Variants in C1orf159 observed in about 807,000 individuals in gnomAD.
C1orf159 encodes the protein uncharacterized protein C1orf159.
A neutral mutation model predicts 25.6 loss-of-function variants in C1orf159; 19 were observed. The observed-to-expected ratio is 0.74, with a 90% CI of 0.52 to 1.09. The LOEUF (loss-of-function observed/expected upper bound fraction) is 1.09. Ranked by LOEUF, C1orf159 falls within the 50% of genes least tolerant of loss-of-function variation. The probability of loss-of-function intolerance (pLI) is 0.00; values close to 1 mark genes in which losing one functional copy is unlikely to be tolerated. For missense variants in C1orf159, 274 were observed against 290.6 expected (o/e 0.94, Z 0.42); for synonymous variants, 139 against 124.7 (o/e 1.12, Z -0.77).
intron 4 of C1orf159, among the ~76,000 whole-genome samples, 186 bp downstream of exon 4, chr1:1,090,167 G>A (rs1645904819): frequency 1.3e-5 from 2 of 152,166 alleles, no homozygotes; most frequent in Non-Finnish European, 2.9e-5. Context: ...GCCGCTCAAG[G>A]CCGCCCGCCA....
intron 1 of C1orf159, among the ~76,000 whole-genome samples, chr1:1,104,935 C>T (rs1259852541): frequency 1.3e-5 from 2 of 152,210 alleles, no homozygotes; most frequent in African/African-American, 4.8e-5. Context: ...TGTCCAACAA[C>T]AGCAGCAATC....
intron 1 of C1orf159, among the ~76,000 whole-genome samples, chr1:1,100,653 T>C (rs1193204963): frequency 2.0e-5 from 3 of 152,218 alleles, no homozygotes; most frequent in Non-Finnish European, 4.4e-5. Context: ...GTCCCTGTGT[T>C]TTTTGTTCCT....
intron 1 of C1orf159, among the ~76,000 whole-genome samples, chr1:1,114,390 A>G (rs1249784304): frequency 6.6e-6 from 1 of 152,064 alleles, no homozygotes; most frequent in African/African-American, 2.4e-5. Context: ...TGTTGCCCAG[A>G]CTGGTCTCAA....
At chr1:1,084,321 A>T (rs755331198) in intron 9 of C1orf159, 32 bp downstream of exon 9, 43 of 1,526,162 alleles carry the variant, frequency 2.8e-5, no homozygotes, top group Non-Finnish European at 3.7e-5. Context: ...GAGATGGGAA[A>T]CCCCACAGGG....
At chr1:1,094,409 ATCT>A (rs1262779658) in intron 1 of C1orf159, among the ~76,000 whole-genome samples, 2 of 150,508 alleles carry the variant, frequency 1.3e-5, no homozygotes, top group Non-Finnish European at 3.0e-5. Flanking sequence ...TTGTCTTATC[ATCT>A]TTTTTTTTTT....
chr1:1,089,311 C>A lies in C1orf159; in HGVS notation c.148+1042G>T, dbSNP rs1645887811. On this transcript the variant is annotated intron_variant, in intron 4 of 9. Coordinates refer to ENST00000421241, the MANE Select transcript of C1orf159 (RefSeq NM_017891.5). The surrounding 1 kb of genome is among the most constrained non-coding windows in gnomAD (Gnocchi z 7.5). ...CACAGAGTGCCTGGGGTACACAATCCCTCACAGGAGACGCCACGGCCCCAG... is the reference window on the plus strand; with the variant it reads ...CACAGAGTGCCTGGGGTACACAATCACTCACAGGAGACGCCACGGCCCCAG... 6.6e-6 allele frequency among the ~76,000 whole-genome samples: 1 copy of A among 152,156 alleles called. No homozygotes were observed. Among genetic ancestry groups the A allele is most frequent in the Non-Finnish European group, 1.5e-5 (1 of 68,010 alleles).
At chr1:1,096,273 C>T (rs1055482923) in intron 1 of C1orf159, among the ~76,000 whole-genome samples, 1 of 152,096 alleles carries the variant, frequency 6.6e-6, no homozygotes, top group Non-Finnish European at 1.5e-5. Flanking sequence ...GGCTCACTGC[C>T]GCCTTGAGCT....
intron 1 of C1orf159, among the ~76,000 whole-genome samples, chr1:1,100,025 G>C (rs999338640): frequency 6.6e-6 from 1 of 152,240 alleles, no homozygotes; most frequent in Non-Finnish European, 1.5e-5. Context: ...ACTGAGGCAG[G>C]AGGATCACTT....
Position 1,087,956 on chromosome 1 carries a change from C to G in C1orf159, c.149-359G>C, listed in dbSNP as rs1010902783. Among the ~76,000 whole-genome samples the G allele has an allele frequency of 1.3e-5, 2 of 151,484 alleles. No homozygotes were observed. The highest frequency in any genetic ancestry group is 1.5e-5 in the Non-Finnish European group (1 of 67,836). ...GCACTCCACGCCGAGCACCCCGGCC[C>G]TGAGCACCCCGACCCTGAGTACTCC... On this transcript the variant is annotated intron_variant, in intron 4 of 9. Coordinates refer to ENST00000421241, the MANE Select transcript of C1orf159 (RefSeq NM_017891.5). The surrounding 1 kb of genome is among the most constrained non-coding windows in gnomAD (Gnocchi z 8.3).
chr1:1,091,082 C>G (rs899449049), intron 3 of C1orf159: 18 of 1,032,334 alleles, frequency 1.7e-5, no homozygotes, highest in Non-Finnish European at 2.6e-5. Flanking sequence ...CCCTCAAACG[C>G]CCCAGCCAGG....
intron 1 of C1orf159, among the ~76,000 whole-genome samples, chr1:1,111,807 G>A (rs1199468587): frequency 2.0e-5 from 3 of 152,136 alleles, no homozygotes; most frequent in African/African-American, 2.4e-5. Context: ...CATCCGTGTA[G>A]CTAATGCTGG....
chr1:1,082,668 G>A lies in C1orf159; in HGVS notation c.*225C>T, dbSNP rs1475444334. On this transcript the variant is annotated 3_prime_UTR_variant, in exon 10 of 10. Transcript: ENST00000421241. ...TCTGAAGCTCTGAGGTCTCATGGAT[G>A]CCTGCTCCTGGTCCGATAAACGAGA... 3.5e-6 allele frequency: 2 copies of A among 570,790 alleles called. No individual in the cohort carries two copies. The highest frequency in any genetic ancestry group is 6.3e-6 in the Non-Finnish European group (2 of 317,818). 35.4% of individuals were successfully genotyped at this position (570,790 alleles called of 1,614,324 possible).
chr1:1,101,853 CCT>C (rs1445045105), intron 1 of C1orf159, among the ~76,000 whole-genome samples: 3 of 152,010 alleles, frequency 2.0e-5, no homozygotes, highest in African/African-American at 7.3e-5. Flanking sequence ...AGGCAGATCC[CCT>C]GAGGTCAGGA....
Position 1,087,874 on chromosome 1 carries a change from G to A in C1orf159, c.149-277C>T, listed in dbSNP as rs993726890. Among the ~76,000 whole-genome samples the A allele has an allele frequency of 2.7e-5, 4 of 148,104 alleles. No individual in the cohort carries two copies. The highest frequency in any genetic ancestry group is 5.0e-5 in the African/African-American group (2 of 40,320). Reference sequence around the variant, plus strand: ...TCTCCACGCCGAGCACCCCGGCCCCGAGTACTCCACGCTGCACTCTCCACG... The same window carrying A: ...TCTCCACGCCGAGCACCCCGGCCCCAAGTACTCCACGCTGCACTCTCCACG... On this transcript the variant is annotated intron_variant, in intron 4 of 9. Transcript: ENST00000421241. This position sits in a 1 kb window ranked among gnomAD's most constrained non-coding sequence, Gnocchi z 8.3.
At chr1:1,084,056 G>C (rs377561021) in intron 9 of C1orf159, 88 of 1,609,316 alleles carry the variant, frequency 5.5e-5, no homozygotes, top group Non-Finnish European at 6.9e-5. Context: ...GCCCTGTCGT[G>C]GTGGGTCCTC....
Position 1,085,941 on chromosome 1 carries a change from C to T in C1orf159, c.382G>A (p.Ala128Thr), listed in dbSNP as rs1273822031. 6.8e-6 allele frequency: 11 copies of T among 1,613,342 alleles called. No individual in the cohort carries two copies. Among genetic ancestry groups the T allele is most frequent in the African/African-American group, 5.3e-5 (4 of 74,912 alleles). ...FISSGLILSV[A>T]GFFYLKRSSK... ...GAGCGCTTGAGGTAGAAGAACCCAG[C>T]TACGGAGAGGATGAGGCCGGAGCTA... Residue 128 changes from alanine (A) to threonine (T), a missense_variant, in exon 7 of 10, where the codon GCT (alanine) becomes ACT (threonine). Transcript: ENST00000421241.
At chr1:1,084,240 G>A in intron 9 of C1orf159, 113 bp downstream of exon 9, 3 of 1,520,258 alleles carry the variant, frequency 2.0e-6, no homozygotes, top group Non-Finnish European at 2.6e-6. Context: ...ACCCGGGCAG[G>A]GGTGGCCGAG....
Position 1,090,401 on chromosome 1 carries a change from C to T in C1orf159, c.100G>A (p.Val34Met). ...GGGCAGCTGGCGTTGACGCCCACCA[C>T]ATCCACACAGCACTCGGGCAGCTGG... ...TAQLPECCVD[V>M]VGVNASCPGA... The change falls in exon 4 of 10, where the codon GTG (valine) becomes ATG (methionine). Residue 34 changes from valine to methionine, a missense_variant. Physicochemically the swap from Val to Met is conservative, Grantham distance 21 (BLOSUM62 1). Coordinates refer to ENST00000421241, the MANE Select transcript of C1orf159 (RefSeq NM_017891.5). 1.9e-6 allele frequency: 3 copies of T among 1,549,664 alleles called. No homozygotes were observed. The highest frequency in any genetic ancestry group is 1.7e-6 in the Non-Finnish European group (2 of 1,146,688).
intron 1 of C1orf159, among the ~76,000 whole-genome samples, chr1:1,101,001 T>C (rs190158841): frequency 3.9e-4 from 59 of 152,372 alleles, no homozygotes; most frequent in Admixed American, 1.1e-3. Flanking sequence ...CATTCATTCT[T>C]AAAGATCTGA....
Sources: gnomAD v4.1 joint callset for allele counts (sites outside exome capture counted in the v4.1 genomes callset) on GRCh38, gnomAD v4.1.1 for gene constraint, Gnocchi (gnomAD v3.1) non-coding constraint, MANE v1.5 for transcripts, NCBI Gene and HGNC (gene_info 2026-07-23, HGNC 2026-07-21) for gene names.